TEKT4: variants seen among roughly 807,000 people sequenced by gnomAD.
TEKT4 encodes the protein tektin-4.
TEKT4 carries 46 observed loss-of-function variants against 46.0 expected under a neutral mutation model. The ratio of observed to expected loss-of-function variants is 1.00; its 90% CI spans 0.79 to 1.28. The LOEUF is 1.28. Among genes scored for constraint, TEKT4 ranks in the 50% most tolerant of loss-of-function variants. The pLI is 0.00. For missense variants in TEKT4, 790 were observed against 622.9 expected (o/e 1.27, Z -2.85); for synonymous variants, 325 against 265.8 (o/e 1.22, Z -2.17).
rs371595164 is a variant in TEKT4 at position 94,874,154 on chromosome 2, C to T, written c.713+46C>T. ...TGCACTTGCCCTGGCTGTGGTCTCG[C>T]CTCCCTCTGCCTGGGGGCCCCAGCG... On this transcript the variant is annotated intron_variant, in intron 3 of 5. Coordinates refer to ENST00000295201, the MANE Select transcript of TEKT4 (RefSeq NM_144705.4). 12 of 1,591,190 alleles carry T rather than the reference C, an allele frequency of 7.5e-6. No individual in the cohort carries two copies. In the African/African-American group the frequency reaches 1.1e-4, roughly 14 times the overall value.
At position 94,871,699 on chromosome 2, in the gene TEKT4, G is replaced by A; in HGVS notation, c.120G>A (p.Leu40=). The A allele has an allele frequency of 6.2e-7, 1 of 1,612,608 alleles. No individual in the cohort carries two copies. Among genetic ancestry groups the A allele is most frequent in the Non-Finnish European group, 8.5e-7 (1 of 1,179,924 alleles). The stretch of plus-strand genomic sequence containing the variant: ...CCAGCTTCCGCACCTCCAAGTACCT[G>A]CTGGAGGAGTGGTTCCAGAACTGCT... ...ATASFRTSKY[L]LEEWFQNCYA... Residue 40 remains leucine (L), a synonymous_variant, in exon 1 of 6, where the codon CTG becomes CTA. Coordinates refer to ENST00000295201, the MANE Select transcript of TEKT4 (RefSeq NM_144705.4).
At chr2:94,873,128 C>CT in intron 1 of TEKT4, 2 of 1,226,846 alleles carry the variant, frequency 1.6e-6, no homozygotes, top group Non-Finnish European at 2.1e-6. Context: ...GCACAGAGCC[C>CT]TGAGGGGCAG....
intron 1 of TEKT4, 58 bp from the exon 2 acceptor site, chr2:94,873,462 G>T (rs1178582298): frequency 6.2e-7 from 1 of 1,610,676 alleles, no homozygotes; most frequent in African/African-American, 1.3e-5. Flanking sequence ...CAGCAGCTGG[G>T]CCTCCTGGGA....
Position 94,871,901 on chromosome 2 carries a change from G to C in TEKT4, c.322G>C (p.Glu108Gln). ...CAGCTGGAAGTCGGAGCTGCAGCGT[G>C]AGATGGAGGCGCTGGCTGCGGAGAC... The part of the protein sequence containing the change: ...THSWKSELQR[E>Q]MEALAAETNL... The change falls in exon 1 of 6, where the codon GAG (glutamate) becomes CAG (glutamine). Residue 108 changes from glutamate (E) to glutamine (Q), a missense_variant. Glu to Gln is a conservative substitution (Grantham distance 29, BLOSUM62 2). Transcript: ENST00000295201. The C allele has an allele frequency of 1.3e-6, 2 of 1,597,728 alleles. No individual in the cohort carries two copies. The highest frequency in any genetic ancestry group is 2.2e-5 in the East Asian group (1 of 44,528).
chr2:94,873,192 G>A, intron 1 of TEKT4: 1 of 1,250,462 alleles, frequency 8.0e-7, no homozygotes, highest in Non-Finnish European at 1.0e-6. Flanking sequence ...CTGTCCAGAG[G>A]CCAAGGGCAG....
chr2:94,874,788 G>A lies in TEKT4; in HGVS notation c.726G>A (p.Pro242=), dbSNP rs368340921. 5.2e-5 allele frequency: 82 copies of A among 1,583,514 alleles called. No homozygotes were observed. In the East Asian group the frequency reaches 1.0e-3, roughly 20 times the overall value. ...STTFQESAST[P]ETRAKFTQDN... is the part of the protein sequence containing the mutation. Reference sequence around the variant, plus strand: ...CCCCGCCCCGCAGCGCCTCCACCCCGGAGACCCGGGCCAAGTTCACGCAGG... The same window carrying A: ...CCCCGCCCCGCAGCGCCTCCACCCCAGAGACCCGGGCCAAGTTCACGCAGG... Residue 242 remains proline (P), a synonymous_variant, in exon 4 of 6, where the codon CCG becomes CCA. Coordinates refer to ENST00000295201, the MANE Select transcript of TEKT4 (RefSeq NM_144705.4).
rs201900605 is a variant in TEKT4 at position 94,874,007 on chromosome 2, A to G, written c.612A>G (p.Ser204=). 3 of 1,613,728 alleles carry G rather than the reference A, an allele frequency of 1.9e-6. No homozygotes were observed. In the South Asian group the frequency reaches 3.3e-5, roughly 18 times the overall value. The part of the protein sequence containing the change: ...EHKETCEMDW[S]DKMEAYNIDE... ...AGGAGACCTGCGAGATGGACTGGTC[A>G]GACAAGATGGAGGCCTACAACATCG... The change falls in exon 3 of 6, where the codon TCA becomes TCG. Residue 204 remains serine, a synonymous_variant. Transcript: ENST00000295201.
At chr2:94,873,437 G>T (rs576388311) in intron 1 of TEKT4, 83 bp from the exon 2 acceptor site, 2 of 1,604,830 alleles carry the variant, frequency 1.2e-6, no homozygotes, top group East Asian at 2.2e-5. Context: ...TTGCTCAGGT[G>T]TTGACCAAGG....
intron 1 of TEKT4, chr2:94,872,285 TC>T (rs1419499438): frequency 1.3e-5 from 8 of 630,698 alleles, no homozygotes; most frequent in Non-Finnish European, 2.2e-5. Context: ...AGCAGCTGTT[TC>T]TCCTCTCCTC....
In TEKT4 at chr2:94,874,861, C is replaced by G; in HGVS notation, c.799C>G (p.Arg267Gly). 6.2e-7 allele frequency: 1 copy of G among 1,608,510 alleles called. No individual in the cohort carries two copies. The highest frequency in any genetic ancestry group is 8.5e-7 in the Non-Finnish European group (1 of 1,178,150). The change falls in exon 4 of 6, where the codon CGG becomes GGG. Residue 267 changes from arginine (R) to glycine (G), a missense_variant. Coordinates refer to ENST00000295201, the MANE Select transcript of TEKT4 (RefSeq NM_144705.4). Reference protein sequence around the residue: ...QRERLASANLRVLVDCILRDT... With the variant: ...QRERLASANLGVLVDCILRDT... Reference sequence around the variant, plus strand: ...CGAGCGCCTGGCCTCGGCCAACCTGCGGGTGCTGGTGGACTGCATCCTTCG... The same window carrying G: ...CGAGCGCCTGGCCTCGGCCAACCTGGGGGTGCTGGTGGACTGCATCCTTCG...
At position 94,872,050 on chromosome 2, in the gene TEKT4, C is replaced by T. The variant is rs1317793339; in HGVS notation, c.471C>T (p.Arg157=). Reference sequence around the variant, plus strand: ...GCCGCGAGCACCCCAACCTCGTGCGCGACCATGTGGAAACGGAGCTGCTGA... The same window carrying T: ...GCCGCGAGCACCCCAACCTCGTGCGTGACCATGTGGAAACGGAGCTGCTGA... The part of the protein sequence containing the change: ...RERREHPNLV[R]DHVETELLKE... Residue 157 remains arginine (R), a synonymous_variant, in exon 1 of 6, where the codon CGC becomes CGT. Transcript: ENST00000295201. The T allele has an allele frequency of 4.5e-6, 7 of 1,552,370 alleles. No homozygotes were observed. Among genetic ancestry groups the T allele is most frequent in the African/African-American group, 2.7e-5 (2 of 73,212 alleles).
intron 2 of TEKT4, 119 bp downstream of exon 2, chr2:94,873,709 G>C: frequency 7.1e-7 from 1 of 1,411,456 alleles, no homozygotes; most frequent in Non-Finnish European, 9.7e-7. Context: ...CCAGGTCACA[G>C]TGGAGCGCAG....
At chr2:94,875,881 A>G in intron 5 of TEKT4, 139 bp downstream of exon 5, 1 of 853,152 alleles carries the variant, frequency 1.2e-6, no homozygotes, top group Non-Finnish European at 1.8e-6. Flanking sequence ...GGGGCCACAC[A>G]CAACAAGCAG....
chr2:94,874,286 C>T (rs1233210170), intron 3 of TEKT4, among the ~76,000 whole-genome samples, 178 bp downstream of exon 3: 9 of 152,206 alleles, frequency 5.9e-5, no homozygotes, highest in African/African-American at 1.9e-4. Context: ...AAATGTCCAG[C>T]GCGTGCACAG....
chr2:94,872,176 C>T (rs764796156), intron 1 of TEKT4, 99 bp downstream of exon 1: 81 of 1,415,254 alleles, frequency 5.7e-5, no homozygotes, highest in African/African-American at 1.4e-4. Context: ...GCTGCAAGCA[C>T]GCGGGAGCCC....
rs1553394490 is a variant in TEKT4, at chr2:94,871,688, T to A, written c.109T>A (p.Ser37Thr). ...CCTGGCCACCGCCAGCTTCCGCACC[T>A]CCAAGTACCTGCTGGAGGAGTGGTT... is the stretch of plus-strand genomic sequence containing the variant. ...SGLATASFRT[S>T]KYLLEEWFQN... The change falls in exon 1 of 6, where the codon TCC (serine) becomes ACC (threonine). Residue 37 changes from serine to threonine, a missense_variant. Physicochemically the swap from Ser to Thr is moderately conservative, Grantham distance 58. Coordinates refer to ENST00000295201, the MANE Select transcript of TEKT4 (RefSeq NM_144705.4). 3 of 1,612,412 alleles carry A rather than the reference T, an allele frequency of 1.9e-6. No homozygotes were observed. The African/African-American group carries it at 4.0e-5, about 22-fold the overall frequency.
intron 4 of TEKT4, 56 bp from the exon 5 acceptor site, chr2:94,875,532 G>T (rs1366199579): frequency 6.2e-7 from 1 of 1,607,836 alleles, no homozygotes; most frequent in African/African-American, 1.3e-5. Flanking sequence ...TGGTCTCGGC[G>T]TTCTATATAC....
intron 5 of TEKT4, 116 bp downstream of exon 5, chr2:94,875,858 G>T (rs1490653755): frequency 6.3e-6 from 7 of 1,103,578 alleles, no homozygotes; most frequent in Non-Finnish European, 9.1e-6. Context: ...TGCTGAGAGG[G>T]GAGGGAGACT....
At position 94,871,521 on chromosome 2, in the gene TEKT4, C is replaced by T. The variant is rs1230350247; in HGVS notation, c.-59C>T. ...GCCCCGCTGACCGCACTAGGCTGAC[C>T]GCAACCGGCTGACCACACACAGTCC... On this transcript the variant is annotated 5_prime_UTR_variant, in exon 1 of 6. Coordinates refer to ENST00000295201, the MANE Select transcript of TEKT4 (RefSeq NM_144705.4). 1.3e-6 allele frequency: 2 copies of T among 1,496,670 alleles called. No individual in the cohort carries two copies. The highest frequency in any genetic ancestry group is 1.8e-6 in the Non-Finnish European group (2 of 1,123,844). 92.7% of individuals were successfully genotyped at this position (1,496,670 alleles called of 1,614,324 possible).
Sources: allele counts gnomAD v4.1 joint callset (sites outside exome capture counted in the v4.1 genomes callset), GRCh38; gene constraint gnomAD v4.1.1; transcripts MANE v1.5; gene names NCBI Gene and HGNC (gene_info 2026-07-23, HGNC 2026-07-21).